TMEM65: variants seen among roughly 807,000 people sequenced by gnomAD.
TMEM65 encodes transmembrane protein 65.
A neutral mutation model predicts 25.4 loss-of-function variants in TMEM65; 22 were observed. The observed-to-expected ratio is 0.86, with a 90% confidence interval of 0.62 to 1.23. The LOEUF (loss-of-function observed/expected upper bound fraction) is 1.23. Among genes scored for constraint, TMEM65 ranks in the 50% most tolerant of loss-of-function variants. The pLI, the probability that TMEM65 is intolerant of heterozygous loss-of-function variation, is 0.00. For synonymous variants in TMEM65, 132 were observed against 126.2 expected, an observed-to-expected ratio of 1.05 and a Z score of -0.31; for missense variants, 262 against 308.2, an observed-to-expected ratio of 0.85 and a Z score of 1.12.
chr8:124,335,865 T>C (rs1485691290), intron 1 of TMEM65, among the ~76,000 whole-genome samples: 1 of 151,988 alleles, frequency 6.6e-6, no homozygotes, highest in Non-Finnish European at 1.5e-5. Context: ...AGCAAAATAG[T>C]AAACTTATAT....
intron 1 of TMEM65, among the ~76,000 whole-genome samples, chr8:124,339,230 T>A (rs1374969413): frequency 1.4e-3 from 54 of 38,538 alleles, no homozygotes; most frequent in Non-Finnish European, 1.7e-3. Flanking sequence ...AAAATATATA[T>A]ATATATATAT....
At chr8:124,364,680 TAC>T (rs1029334369) in intron 1 of TMEM65, among the ~76,000 whole-genome samples, 1 of 152,214 alleles carries the variant, frequency 6.6e-6, no homozygotes, top group Admixed American at 6.5e-5. Context: ...TTTTGTTACC[TAC>T]AGTCTTTTAT....
intron 1 of TMEM65, among the ~76,000 whole-genome samples, chr8:124,352,211 T>C (rs1814718867): frequency 6.6e-6 from 1 of 152,168 alleles, no homozygotes; most frequent in African/African-American, 2.4e-5. Context: ...CTAAATGAAA[T>C]TTGAACTGAG....
intron 1 of TMEM65, among the ~76,000 whole-genome samples, chr8:124,332,727 A>G (rs958870318): frequency 1.3e-5 from 2 of 152,160 alleles, no homozygotes; most frequent in African/African-American, 2.4e-5. Context: ...GAACCTACAG[A>G]GTACAAGAGG....
chr8:124,350,002 A>G (rs1814685913), intron 1 of TMEM65, among the ~76,000 whole-genome samples: 1 of 152,200 alleles, frequency 6.6e-6, no homozygotes, highest in South Asian at 2.1e-4. Context: ...TCTTCAAAAT[A>G]CATTTGCATT....
chr8:124,372,378 G>T lies in TMEM65; in HGVS notation c.-221C>A, dbSNP rs1024614826. 4 of 227,050 alleles carry T rather than the reference G, an allele frequency of 1.8e-5. No homozygotes were observed. The highest frequency in any genetic ancestry group is 4.7e-5 in the African/African-American group (2 of 42,676). The allele number at this position is 227,050 out of a possible 1,614,324, so 14.1% of individuals were successfully genotyped here. On this transcript the variant is annotated 5_prime_UTR_variant, in exon 1 of 7. Transcript: ENST00000297632. The stretch of plus-strand genomic sequence containing the variant: ...GGCCCGCGGCGGCTCCCGCCCCTCC[G>T]ATGGGAAAAACTTTCTCTGAGACGG...
At position 124,320,104 on chromosome 8, in the gene TMEM65, T is replaced by C. The variant is rs1421214551; in HGVS notation, c.603A>G (p.Thr201=). The C allele has an allele frequency of 1.9e-6, 3 of 1,613,108 alleles. No homozygotes were observed. The highest frequency in any genetic ancestry group is 2.5e-6 in the Non-Finnish European group (3 of 1,179,300). The part of the protein sequence containing the change: ...LTPKQVDMWQ[T]RLSTHLGKAV... ...TACTTACCAAATGTGTACTAAGACG[T>C]GTTTGCCACATGTCAACTTGCTTTG... Residue 201 remains threonine (T), a synonymous_variant, in exon 6 of 7, where the codon ACA becomes ACG. Transcript: ENST00000297632.
At chr8:124,358,464 T>G (rs1450743688) in intron 1 of TMEM65, among the ~76,000 whole-genome samples, 2 of 152,194 alleles carry the variant, frequency 1.3e-5, no homozygotes, top group South Asian at 4.1e-4. Flanking sequence ...TTCTAACAAA[T>G]AGCCGAGTCT....
chr8:124,371,752 G>A (rs1376633184), intron 1 of TMEM65, 102 bp downstream of exon 1: 12 of 1,177,630 alleles, frequency 1.0e-5, no homozygotes, highest in Non-Finnish European at 1.4e-5. Context: ...GGGGGGCGGC[G>A]GCGGGGGTCC....
At chr8:124,365,457 C>T (rs1814925924) in intron 1 of TMEM65, among the ~76,000 whole-genome samples, 1 of 152,154 alleles carries the variant, frequency 6.6e-6, no homozygotes, top group African/African-American at 2.4e-5. Flanking sequence ...CCATTACATG[C>T]AGCAGAAATA....
At chr8:124,365,642 G>A (rs538391708) in intron 1 of TMEM65, among the ~76,000 whole-genome samples, 1 of 151,964 alleles carries the variant, frequency 6.6e-6, no homozygotes, top group Non-Finnish European at 1.5e-5. Context: ...GATTATCCTG[G>A]ATTATCCAGG....
chr8:124,330,932 AC>A, intron 1 of TMEM65, 140 bp from the exon 2 acceptor site: 1 of 782,042 alleles, frequency 1.3e-6, no homozygotes, highest in Non-Finnish European at 2.0e-6. Context: ...AGGTTAAGGG[AC>A]CACATTTGTC....
At chr8:124,340,368 AT>A (rs1814570376) in intron 1 of TMEM65, among the ~76,000 whole-genome samples, 1 of 152,150 alleles carries the variant, frequency 6.6e-6, no homozygotes, top group Admixed American at 6.5e-5. Flanking sequence ...AATGCTATCT[AT>A]TTGACTTAAA....
intron 1 of TMEM65, chr8:124,351,126 A>G (rs1301793253): frequency 1.0e-6 from 1 of 984,454 alleles, no homozygotes; most frequent in East Asian, 1.1e-4. Flanking sequence ...ATGCTAAAAG[A>G]TATTTTAAAA....
intron 6 of TMEM65, among the ~76,000 whole-genome samples, chr8:124,317,429 C>T (rs1413731271): frequency 1.3e-5 from 2 of 152,170 alleles, no homozygotes; most frequent in Non-Finnish European, 2.9e-5. Context: ...TTCATTACTT[C>T]TTAAAACTTC....
intron 5 of TMEM65, among the ~76,000 whole-genome samples, chr8:124,321,244 C>T (rs918804157): frequency 3.3e-5 from 5 of 152,106 alleles, no homozygotes; most frequent in Non-Finnish European, 5.9e-5. Flanking sequence ...GGTTAGATCA[C>T]TTAAAAAGCT....
intron 1 of TMEM65, among the ~76,000 whole-genome samples, chr8:124,362,633 G>C (rs1247972026): frequency 8.7e-6 from 1 of 114,704 alleles, no homozygotes; most frequent in Non-Finnish European, 1.6e-5. Context: ...TTGCACTCCA[G>C]CCTTGGTGAT....
intron 3 of TMEM65, among the ~76,000 whole-genome samples, chr8:124,325,398 G>A (rs925894822): frequency 1.3e-5 from 2 of 151,788 alleles, no homozygotes; most frequent in African/African-American, 2.4e-5. Flanking sequence ...TCTATATAAC[G>A]AAGCCTCACT....
intron 1 of TMEM65, among the ~76,000 whole-genome samples, chr8:124,332,840 GTC>G (rs1814448715): frequency 6.6e-6 from 1 of 151,878 alleles, no homozygotes; most frequent in Non-Finnish European, 1.5e-5. Flanking sequence ...GTCTCACTCT[GTC>G]TCTCCCAGGC....
Sources: allele counts gnomAD v4.1 joint callset (sites outside exome capture counted in the v4.1 genomes callset), GRCh38; gene constraint gnomAD v4.1.1; transcripts MANE v1.5; gene names NCBI Gene and HGNC (gene_info 2026-07-23, HGNC 2026-07-21).